Variants in CCDC192 observed in about 807,000 individuals in gnomAD.
CCDC192 encodes the protein coiled-coil domain containing 192, also known as coiled-coil domain-containing protein 192.
chr5:127,864,888 C>T (rs979543191), intron 5 of CCDC192, among the ~76,000 whole-genome samples: 2 of 152,210 alleles, frequency 1.3e-5, no homozygotes, highest in Non-Finnish European at 2.9e-5. Context: ...TGGTTCACGC[C>T]TGTAACCCCA....
At chr5:127,791,937 T>C (rs182387214) in intron 3 of CCDC192, among the ~76,000 whole-genome samples, 2 of 152,238 alleles carry the variant, frequency 1.3e-5, no homozygotes, top group East Asian at 1.9e-4. Context: ...AAAGAAACCA[T>C]GTGCAAAGTA....
intron 5 of CCDC192, among the ~76,000 whole-genome samples, chr5:127,857,332 C>T (rs1420164529): frequency 6.6e-6 from 1 of 152,132 alleles, no homozygotes; most frequent in African/African-American, 2.4e-5. Flanking sequence ...CTTATCCAAA[C>T]CAGCACCAAA....
chr5:127,793,455 C>T (rs536344529), intron 3 of CCDC192, among the ~76,000 whole-genome samples: 59 of 152,180 alleles, frequency 3.9e-4, no homozygotes, highest in African/African-American at 1.4e-3. Flanking sequence ...CTGAAGTCCA[C>T]ATGGTAAGAA....
At chr5:127,857,969 A>G (rs980442781) in intron 5 of CCDC192, among the ~76,000 whole-genome samples, 3 of 152,202 alleles carry the variant, frequency 2.0e-5, no homozygotes, top group Non-Finnish European at 2.9e-5. Context: ...AGCCTGGCCA[A>G]TTTGACACAT....
intron 5 of CCDC192, among the ~76,000 whole-genome samples, chr5:127,820,479 G>A (rs1749236162): frequency 6.6e-6 from 1 of 152,196 alleles, no homozygotes; most frequent in East Asian, 1.9e-4. Flanking sequence ...TACTCAGGAA[G>A]GCTGAGGCAG....
intron 2 of CCDC192, among the ~76,000 whole-genome samples, chr5:127,712,463 A>G (rs768504117): frequency 5.9e-5 from 9 of 152,212 alleles, no homozygotes; most frequent in Non-Finnish European, 5.9e-5. Flanking sequence ...ACCCTGTGAT[A>G]TCTGCACATT....
At chr5:127,882,498 G>T (rs1427833890) in intron 6 of CCDC192, among the ~76,000 whole-genome samples, 1 of 152,168 alleles carries the variant, frequency 6.6e-6, no homozygotes, top group Non-Finnish European at 1.5e-5. Flanking sequence ...GGATTTGGAG[G>T]TGATAAAAAT....
chr5:127,858,348 C>T (rs1014744549), intron 5 of CCDC192, among the ~76,000 whole-genome samples: 1 of 152,200 alleles, frequency 6.6e-6, no homozygotes, highest in African/African-American at 2.4e-5. Flanking sequence ...CCTTTACACA[C>T]AGTGTTTCCT....
chr5:127,707,171 G>T (rs1469201888), intron 1 of CCDC192, among the ~76,000 whole-genome samples: 1 of 152,000 alleles, frequency 6.6e-6, no homozygotes. Context: ...GGAAGGAATT[G>T]GAGACAGTGA....
chr5:127,726,178 A>G, intron 2 of CCDC192, among the ~76,000 whole-genome samples: 1 of 152,244 alleles, frequency 6.6e-6, no homozygotes, highest in East Asian at 1.9e-4. Context: ...AAATAAATAT[A>G]TGTTATCTTT....
intron 6 of CCDC192, among the ~76,000 whole-genome samples, chr5:127,884,342 C>CAAAAAAAAAAAAAAAAA (rs778430655): frequency 3.4e-4 from 4 of 11,850 alleles, no homozygotes; most frequent in African/African-American, 8.9e-4. Context: ...GACTCCGTCT[C>CAAAAAAAAAAAAAAAAA]AAAAAAAAAA....
rs149777858 is a variant in CCDC192, at chr5:127,781,704, C to G, written c.223-15399C>G. Among the ~76,000 whole-genome samples, 458 of 151,910 alleles carry G rather than the reference C, an allele frequency of 3.0e-3. 2 individuals are homozygous for G. The highest frequency in any genetic ancestry group is 0.01 in the African/African-American group (423 of 41,396). ...ACTAATTTTGTATCCAGGAGCTTTGCTGAATGCTTTTATCAATTGTAGGAG... is the reference window on the plus strand; with the variant it reads ...ACTAATTTTGTATCCAGGAGCTTTGGTGAATGCTTTTATCAATTGTAGGAG... On this transcript the variant is annotated intron_variant, in intron 3 of 6. Transcript: ENST00000514853.
chr5:127,750,927 A>G (rs377256912), intron 2 of CCDC192, among the ~76,000 whole-genome samples: 348 of 149,294 alleles, frequency 2.3e-3, no homozygotes, highest in Non-Finnish European at 4.1e-3. Context: ...TCAGAGACTA[A>G]GATTGCAACC....
At chr5:127,853,778 GCAAA>G (rs771672852) in intron 5 of CCDC192, among the ~76,000 whole-genome samples, 16 of 152,040 alleles carry the variant, frequency 1.1e-4, no homozygotes, top group South Asian at 2.1e-4. Context: ...GTCTCAAAAA[GCAAA>G]CAAACAAACA....
chr5:127,900,992 C>T (rs964556058), intron 6 of CCDC192, among the ~76,000 whole-genome samples: 1 of 152,052 alleles, frequency 6.6e-6, no homozygotes, highest in African/African-American at 2.4e-5. Flanking sequence ...CAGAATAAAA[C>T]TTTTTTCCCC....
intron 2 of CCDC192, among the ~76,000 whole-genome samples, chr5:127,717,479 A>C (rs967152430): frequency 2.6e-5 from 4 of 152,274 alleles, no homozygotes; most frequent in Middle Eastern, 3.4e-3. Flanking sequence ...TAGTAGTAAT[A>C]GTATCCTTGT....
At chr5:127,788,076 C>T (rs1756654870) in intron 3 of CCDC192, among the ~76,000 whole-genome samples, 1 of 107,808 alleles carries the variant, frequency 9.3e-6, no homozygotes, top group South Asian at 3.3e-4. Flanking sequence ...AGTGAGACTT[C>T]ACCTCAGAAA....
At position 127,782,379 on chromosome 5, in the gene CCDC192, G is replaced by A. The variant is rs192444921; in HGVS notation, c.223-14724G>A. Among the ~76,000 whole-genome samples, 528 of 152,006 alleles carry A rather than the reference G, an allele frequency of 3.5e-3. 1 individual carries two copies. The highest frequency in any genetic ancestry group is 5.4e-3 in the Non-Finnish European group (367 of 67,980). ...TCTTTCTCTATCTTGTTGGAATAGC[G>A]TCAATAGGATTTGTACCAATTCTTT... On this transcript the variant is annotated intron_variant, in intron 3 of 6. Coordinates refer to ENST00000514853, the MANE Select transcript of CCDC192 (RefSeq NM_001317938.2).
intron 5 of CCDC192, among the ~76,000 whole-genome samples, chr5:127,870,463 G>T (rs1247386829): frequency 6.6e-6 from 1 of 152,170 alleles, no homozygotes; most frequent in Non-Finnish European, 1.5e-5. Context: ...GTTGTCATTG[G>T]AAAGAAAAAT....
Sources: allele counts gnomAD v4.1 joint callset (sites outside exome capture counted in the v4.1 genomes callset), GRCh38; gene constraint gnomAD v4.1.1; transcripts MANE v1.5; gene names NCBI Gene and HGNC (gene_info 2026-07-23, HGNC 2026-07-21).